Variants in EIF2AK4 observed in about 807,000 individuals in gnomAD.
EIF2AK4 encodes eIF-2-alpha kinase GCN2.
EIF2AK4 carries 139 observed loss-of-function variants against 211.1 expected under a neutral mutation model. That is an observed-to-expected ratio of 0.66 (90% CI 0.57 to 0.76). The LOEUF (loss-of-function observed/expected upper bound fraction) is 0.76, where lower values mean the gene tolerates loss of function less well. Ranked by LOEUF, EIF2AK4 falls within the 30% of genes least tolerant of loss-of-function variation. EIF2AK4 has a pLI of 0.00. For synonymous variants in EIF2AK4, 710 were observed against 751.3 expected, an observed-to-expected ratio of 0.94 and a Z score of 0.90; for missense variants, 1,664 against 2,043.8, an observed-to-expected ratio of 0.81 and a Z score of 3.58.
At chr15:39,967,933 G>C in intron 9 of EIF2AK4, 54 bp downstream of exon 9, 1 of 1,547,756 alleles carries the variant, frequency 6.5e-7, no homozygotes, top group East Asian at 2.3e-5. Context: ...ACTTTTGATT[G>C]TGCTGGAGTG....
chr15:39,959,522 T>C (rs915838141), intron 6 of EIF2AK4, among the ~76,000 whole-genome samples: 3 of 152,216 alleles, frequency 2.0e-5, no homozygotes, highest in African/African-American at 7.2e-5. Flanking sequence ...ATCCTAGTTA[T>C]TCCTTAATCT....
At position 40,029,642 on chromosome 15, in the gene EIF2AK4, T is replaced by C. The variant is rs374761485; in HGVS notation, c.4561+178T>C. ...TTGAAATCCACATCCTAGAAAAGGA[T>C]AAAACAACTGGAATTTAGCTGACTC... is the stretch of plus-strand genomic sequence containing the variant. On this transcript the variant is annotated intron_variant, in intron 34 of 38. Transcript: ENST00000263791. 1.8e-4 allele frequency among the ~76,000 whole-genome samples: 28 copies of C among 152,304 alleles called. 1 individual carries two copies. The highest frequency in any genetic ancestry group is 6.7e-4 in the African/African-American group (28 of 41,568).
intron 15 of EIF2AK4, among the ~76,000 whole-genome samples, chr15:39,988,796 T>C (rs1566995906): frequency 6.6e-6 from 1 of 151,588 alleles, no homozygotes; most frequent in Non-Finnish European, 1.5e-5. Flanking sequence ...AGGTCAGGAG[T>C]TCAAGACCAG....
intron 23 of EIF2AK4, among the ~76,000 whole-genome samples, chr15:40,005,077 T>C (rs1401035772): frequency 6.6e-6 from 1 of 152,214 alleles, no homozygotes; most frequent in African/African-American, 2.4e-5. Context: ...ATAGGCATAG[T>C]AGTAGATATT....
chr15:39,934,811 C>T (rs2034040174), intron 1 of EIF2AK4, among the ~76,000 whole-genome samples: 1 of 152,232 alleles, frequency 6.6e-6, no homozygotes, highest in African/African-American at 2.4e-5. Flanking sequence ...CTGCACGCCA[C>T]ATAATTCCCT....
Position 40,026,847 on chromosome 15 carries a change from A to AT in EIF2AK4, c.4502+766dup, listed in dbSNP as rs576734203. ...TAAATTAAAAGCCTTAAAACTAAAC[A>AT]TTTTTTTTAAATTGACCCAGCAATT... On this transcript the variant is annotated intron_variant, in intron 33 of 38. Coordinates refer to ENST00000263791, the MANE Select transcript of EIF2AK4 (RefSeq NM_001013703.4). Among the ~76,000 whole-genome samples the AT allele has an allele frequency of 8.8e-3, 1,340 of 152,132 alleles. 9 individuals are homozygous for AT. Among genetic ancestry groups the AT allele is most frequent in the Non-Finnish European group, 0.013 (880 of 67,974 alleles).
At chr15:40,005,679 C>A (rs1369772020) in intron 23 of EIF2AK4, among the ~76,000 whole-genome samples, 1 of 151,456 alleles carries the variant, frequency 6.6e-6, no homozygotes, top group East Asian at 2.0e-4. Flanking sequence ...TCACGCCATT[C>A]TCCTGCCTCA....
chr15:40,027,884 T>G, intron 33 of EIF2AK4, among the ~76,000 whole-genome samples: 1 of 140,490 alleles, frequency 7.1e-6, no homozygotes, highest in South Asian at 2.3e-4. Flanking sequence ...AGCGAGACTC[T>G]GTCTCAAAAA....
At chr15:39,952,415 A>G (rs918193807) in intron 4 of EIF2AK4, among the ~76,000 whole-genome samples, 1 of 151,612 alleles carries the variant, frequency 6.6e-6, no homozygotes, top group Admixed American at 6.6e-5. Flanking sequence ...AGCTGGGACT[A>G]TAGCCGTACA....
intron 2 of EIF2AK4, among the ~76,000 whole-genome samples, chr15:39,940,703 C>A: frequency 6.6e-6 from 1 of 151,512 alleles, no homozygotes; most frequent in South Asian, 2.1e-4. Context: ...TTTTTCCTGA[C>A]ACCAAATACA....
intron 5 of EIF2AK4, among the ~76,000 whole-genome samples, chr15:39,954,903 C>G (rs759153560): frequency 1.9e-4 from 29 of 152,224 alleles, no homozygotes; most frequent in Admixed American, 4.6e-4. Flanking sequence ...TTCCTGCTGC[C>G]TCACTTTGTG....
In EIF2AK4 at chr15:40,029,501, TTA is replaced by T. The variant is rs775221190; in HGVS notation, c.4561+41_4561+42del. On this transcript the variant is annotated intron_variant, in intron 34 of 38. Coordinates refer to ENST00000263791, the MANE Select transcript of EIF2AK4 (RefSeq NM_001013703.4). Reference sequence around the variant, plus strand: ...AATTATAATCTGAACATAATGATGCTTATATGTTTGCTCTAAGCACTTATTAC... The same window carrying T: ...AATTATAATCTGAACATAATGATGCTTATGTTTGCTCTAAGCACTTATTAC... 1.9e-5 allele frequency: 30 copies of T among 1,597,550 alleles called. No individual in the cohort carries two copies. In the African/African-American group the frequency reaches 3.2e-4, roughly 17 times the overall value.
intron 13 of EIF2AK4, 49 bp downstream of exon 13, chr15:39,978,196 C>A (rs756592222): frequency 9.9e-6 from 11 of 1,107,442 alleles, no homozygotes; most frequent in Non-Finnish European, 1.4e-5. Flanking sequence ...ATATAATTGA[C>A]GTCTGATGTC....
chr15:40,015,071 C>T (rs558261651), intron 27 of EIF2AK4, among the ~76,000 whole-genome samples: 29 of 152,168 alleles, frequency 1.9e-4, no homozygotes, highest in Non-Finnish European at 3.5e-4. Context: ...TCATTGACCA[C>T]ATCATTATCA....
At chr15:39,973,793 CT>C (rs1225223537) in intron 11 of EIF2AK4, 44 bp downstream of exon 11, 1 of 1,602,512 alleles carries the variant, frequency 6.2e-7, no homozygotes, top group Non-Finnish European at 8.5e-7. Flanking sequence ...AGCTCCTTCT[CT>C]GTTCCATTTC....
chr15:40,017,541 A>ATG (rs2035324338), intron 29 of EIF2AK4, among the ~76,000 whole-genome samples: 1 of 46,626 alleles, frequency 2.1e-5, no homozygotes. Flanking sequence ...ATATATATAT[A>ATG]TATATATATA....
chr15:40,005,306 T>A (rs11629915), intron 23 of EIF2AK4, among the ~76,000 whole-genome samples: 42,135 of 151,942 alleles, frequency 0.28, 5,949 homozygotes, highest in South Asian at 0.35. Context: ...TAGCTTTTTT[T>A]AAAAAGTAAA....
At position 40,032,226 on chromosome 15, in the gene EIF2AK4, G is replaced by C; in HGVS notation, c.4717G>C (p.Glu1573Gln). The change falls in exon 36 of 39, where the codon GAA becomes CAA. Residue 1573 changes from glutamate to glutamine, a missense_variant. Physicochemically the swap from Glu to Gln is conservative, Grantham distance 29 (BLOSUM62 2). Around this residue, in one of 7 missense-constraint regions of EIF2AK4, gnomAD observed 138 missense variants for 165.1 expected, o/e 0.84. Coordinates refer to ENST00000263791, the MANE Select transcript of EIF2AK4 (RefSeq NM_001013703.4). ...CTTACATCAGAAAAGCAGTGAAATT[G>C]AAATTCTGGCTGTAAGTGGCTTTCT... The part of the protein sequence containing the change: ...ANLHQKSSEI[E>Q]ILAVDLPKET... 6.2e-7 allele frequency: 1 copy of C among 1,614,170 alleles called. No individual in the cohort carries two copies. Among genetic ancestry groups the C allele is most frequent in the Non-Finnish European group, 8.5e-7 (1 of 1,180,006 alleles).
At chr15:39,990,473 CTAT>C in intron 16 of EIF2AK4, 96 bp downstream of exon 16, 1 of 1,015,700 alleles carries the variant, frequency 9.8e-7, no homozygotes, top group Non-Finnish European at 1.5e-6. Flanking sequence ...GTTCACAGAA[CTAT>C]GCCGTCTAAT....
Sources: gnomAD v4.1 joint callset for allele counts (sites outside exome capture counted in the v4.1 genomes callset) on GRCh38, gnomAD v4.1.1 for gene constraint, gnomAD v4.1.1 regional missense constraint, MANE v1.5 for transcripts, NCBI Gene and HGNC (gene_info 2026-07-23, HGNC 2026-07-21) for gene names.